Variants in MAP3K13 observed in about 807,000 individuals in gnomAD.
MAP3K13 encodes mitogen-activated protein kinase kinase kinase 13, also known as leucine zipper-bearing kinase.
MAP3K13 carries 52 observed loss-of-function variants against 104.0 expected under a neutral mutation model. The observed-to-expected ratio is 0.50, with a 90% confidence interval of 0.40 to 0.63. MAP3K13 has a LOEUF of 0.63. MAP3K13 is among the 20% of genes least tolerant of loss of function. The probability of loss-of-function intolerance (pLI) is 0.00; values close to 1 mark genes in which losing one functional copy is unlikely to be tolerated. For synonymous variants in MAP3K13, 394 were observed against 442.2 expected, an observed-to-expected ratio of 0.89 and a Z score of 1.37; for missense variants, 914 against 1,218.5, an observed-to-expected ratio of 0.75 and a Z score of 3.72.
At chr3:185,338,020 C>T (rs562243634) in intron 2 of MAP3K13, among the ~76,000 whole-genome samples, 2 of 151,928 alleles carry the variant, frequency 1.3e-5, no homozygotes, top group South Asian at 2.1e-4. Flanking sequence ...GATAATGAGA[C>T]CCATAGGAAT....
intron 2 of MAP3K13, among the ~76,000 whole-genome samples, chr3:185,288,938 G>A (rs1720635365): frequency 6.6e-6 from 1 of 152,126 alleles, no homozygotes; most frequent in Non-Finnish European, 1.5e-5. Context: ...AGATTAAACA[G>A]ATCACTTTAA....
At chr3:185,427,349 G>GCGAGA (rs1455677085) in intron 1 of MAP3K13, among the ~76,000 whole-genome samples, 4 of 151,978 alleles carry the variant, frequency 2.6e-5, no homozygotes, top group Non-Finnish European at 1.5e-5. Context: ...AGGTGACAGA[G>GCGAGA]CGAGACTCTG....
Position 185,472,982 on chromosome 3 carries a change from T to A in MAP3K13, c.1651T>A (p.Leu551Met). 6.2e-7 allele frequency: 1 copy of A among 1,613,682 alleles called. No homozygotes were observed. The highest frequency in any genetic ancestry group is 8.5e-7 in the Non-Finnish European group (1 of 1,179,652). ...CCTGTTCTTTCCTCCCAGGCCAGAC[T>A]TGTTGAGATCAGAAGGGATCCCCAC... The part of the protein sequence containing the change: ...KSGMQTKRPD[L>M]LRSEGIPTTE... The change falls in exon 11 of 14, where the codon TTG (leucine) becomes ATG (methionine). Residue 551 changes from leucine (L) to methionine (M), a missense_variant. Around this residue, in one of 3 missense-constraint regions of MAP3K13, gnomAD observed 583 missense variants for 737.4 expected, o/e 0.79. Transcript: ENST00000265026.
intron 2 of MAP3K13, among the ~76,000 whole-genome samples, chr3:185,300,463 C>T (rs1380527459): frequency 6.6e-6 from 1 of 151,562 alleles, no homozygotes; most frequent in African/African-American, 2.4e-5. Context: ...CGTGAGCCAC[C>T]ACGCCCGGCC....
At chr3:185,367,777 A>G (rs2108747193) in intron 1 of MAP3K13, among the ~76,000 whole-genome samples, 1 of 152,174 alleles carries the variant, frequency 6.6e-6, no homozygotes, top group East Asian at 1.9e-4. Flanking sequence ...TAAATTTTTT[A>G]TAGAGATGAG....
At chr3:185,407,064 A>T (rs1398323948) in intron 1 of MAP3K13, among the ~76,000 whole-genome samples, 4 of 152,240 alleles carry the variant, frequency 2.6e-5, no homozygotes, top group African/African-American at 9.6e-5. Flanking sequence ...ACAAAAGAAC[A>T]GTAGAAACTC....
intron 2 of MAP3K13, among the ~76,000 whole-genome samples, chr3:185,299,420 G>T (rs970263482): frequency 2.0e-5 from 3 of 152,182 alleles, no homozygotes; most frequent in Non-Finnish European, 2.9e-5. Flanking sequence ...TTTCTTCTGT[G>T]GGCCCTTGTG....
chr3:185,380,561 G>A (rs779422595), intron 1 of MAP3K13, among the ~76,000 whole-genome samples: 5 of 150,484 alleles, frequency 3.3e-5, no homozygotes, highest in East Asian at 1.9e-4. Flanking sequence ...CCAGACATTC[G>A]CAGTCAGAAA....
intron 1 of MAP3K13, among the ~76,000 whole-genome samples, chr3:185,369,827 A>G (rs1308159307): frequency 6.6e-6 from 1 of 152,224 alleles, no homozygotes; most frequent in Non-Finnish European, 1.5e-5. Flanking sequence ...TTCTTTATCT[A>G]GAAGATTCTT....
At chr3:185,412,132 G>A (rs2108786946) in intron 1 of MAP3K13, among the ~76,000 whole-genome samples, 1 of 152,062 alleles carries the variant, frequency 6.6e-6, no homozygotes. Flanking sequence ...TTTGTATTGA[G>A]GGACTACATA....
chr3:185,416,600 G>A (rs1490634977), intron 1 of MAP3K13, among the ~76,000 whole-genome samples: 3 of 152,002 alleles, frequency 2.0e-5, no homozygotes, highest in Admixed American at 6.6e-5. Context: ...TCTGAATACA[G>A]ACTGGACAAG....
intron 2 of MAP3K13, among the ~76,000 whole-genome samples, chr3:185,353,462 C>T (rs1313515251): frequency 6.6e-6 from 1 of 152,206 alleles, no homozygotes; most frequent in Non-Finnish European, 1.5e-5. Flanking sequence ...GGCCAAAACC[C>T]AGTGATTGGC....
intron 2 of MAP3K13, among the ~76,000 whole-genome samples, chr3:185,430,195 C>CAA (rs201019353): frequency 7.4e-5 from 10 of 135,124 alleles, no homozygotes; most frequent in African/African-American, 2.7e-4. Context: ...AACTCTGCCT[C>CAA]AAAAAAAAAA....
chr3:185,370,763 A>G (rs1286766287), intron 1 of MAP3K13, among the ~76,000 whole-genome samples: 1 of 118,540 alleles, frequency 8.4e-6, no homozygotes, highest in Non-Finnish European at 1.8e-5. Flanking sequence ...AAAAAAAAAA[A>G]GCTTCCATTA....
intron 2 of MAP3K13, among the ~76,000 whole-genome samples, chr3:185,303,235 A>G: frequency 6.6e-6 from 1 of 152,114 alleles, no homozygotes; most frequent in East Asian, 1.9e-4. Flanking sequence ...TCTGTTTGCT[A>G]ATATTTTGTT....
chr3:185,453,828 TATATATATATGATACATATATATGAG>T (rs1716040746), intron 7 of MAP3K13, among the ~76,000 whole-genome samples: 1 of 12,944 alleles, frequency 7.7e-5, no homozygotes, highest in East Asian at 3.0e-3. Context: ...ATATATGAGA[TATATATATATGATACATATATATGAG>T]ATATATATAT....
chr3:185,421,656 T>A (rs1437974039), intron 1 of MAP3K13, among the ~76,000 whole-genome samples: 1 of 152,170 alleles, frequency 6.6e-6, no homozygotes, highest in African/African-American at 2.4e-5. Flanking sequence ...TTCTTATGAA[T>A]TGAAAGGACC....
At chr3:185,441,001 T>C (rs904886203) in intron 3 of MAP3K13, among the ~76,000 whole-genome samples, 3 of 152,226 alleles carry the variant, frequency 2.0e-5, no homozygotes, top group Non-Finnish European at 4.4e-5. Flanking sequence ...GAATTCCCAA[T>C]GTGCTTGTCT....
chr3:185,423,933 A>G lies in MAP3K13; in HGVS notation c.-85-4564A>G, dbSNP rs1281933081. Among the ~76,000 whole-genome samples the G allele has an allele frequency of 6.6e-6, 1 of 152,054 alleles. No individual in the cohort carries two copies. Among genetic ancestry groups the G allele is most frequent in the Non-Finnish European group, 1.5e-5 (1 of 68,004 alleles). On this transcript the variant is annotated intron_variant, in intron 1 of 13. Transcript: ENST00000265026. The surrounding 1 kb of genome is among the most constrained non-coding windows in gnomAD (Gnocchi z 4.1). ...TTTCCTTCCGTCTGTCACACGCCTT[A>G]CCTTTAAAGGTCCATCTCAAATCCT...
Sources: allele counts gnomAD v4.1 joint callset (sites outside exome capture counted in the v4.1 genomes callset), GRCh38; gene constraint gnomAD v4.1.1; regional missense constraint gnomAD v4.1.1; non-coding constraint Gnocchi (gnomAD v3.1); transcripts MANE v1.5; gene names NCBI Gene and HGNC (gene_info 2026-07-23, HGNC 2026-07-21).